The following SLC35F4 variants were observed in gnomAD, a reference collection of about 807,000 sequenced individuals.
SLC35F4 encodes the protein chromosome 14 open reading frame 36.
A neutral mutation model predicts 44.2 loss-of-function variants in SLC35F4; 24 were observed. The observed-to-expected ratio is 0.54, with a 90% CI of 0.39 to 0.76. The LOEUF (loss-of-function observed/expected upper bound fraction) is 0.76. Among genes scored for constraint, SLC35F4 ranks in the 30% least tolerant of loss-of-function variants. The pLI is 0.00. For synonymous variants in SLC35F4, 238 were observed against 223.6 expected, an observed-to-expected ratio of 1.06 and a Z score of -0.57; for missense variants, 562 against 586.1, an observed-to-expected ratio of 0.96 and a Z score of 0.42.
At chr14:57,853,492 C>A (rs894988118) in intron 1 of SLC35F4, among the ~76,000 whole-genome samples, 3 of 152,174 alleles carry the variant, frequency 2.0e-5, no homozygotes, top group East Asian at 3.9e-4. Context: ...GGGCCTCTGG[C>A]AGCCATGATT....
At chr14:57,811,869 C>T (rs1486456641) in intron 1 of SLC35F4, among the ~76,000 whole-genome samples, 1 of 152,104 alleles carries the variant, frequency 6.6e-6, no homozygotes, top group African/African-American at 2.4e-5. Context: ...GTAATCCCAG[C>T]TACTTGGGAG....
chr14:57,880,425 C>G (rs1888510013), intron 1 of SLC35F4, among the ~76,000 whole-genome samples: 2 of 152,218 alleles, frequency 1.3e-5, no homozygotes, highest in South Asian at 4.1e-4. Context: ...GAGTAAAATC[C>G]CTATCACAGG....
At chr14:57,952,054 G>A (rs1313356193) in intron 1 of SLC35F4, among the ~76,000 whole-genome samples, 15 of 152,146 alleles carry the variant, frequency 9.9e-5, no homozygotes, top group Admixed American at 9.8e-4. Flanking sequence ...GTTATCTGAT[G>A]GGTGCCCCTC....
chr14:57,585,069 G>A (rs2069599284), intron 3 of SLC35F4, among the ~76,000 whole-genome samples: 1 of 152,134 alleles, frequency 6.6e-6, no homozygotes, highest in African/African-American at 2.4e-5. Context: ...AATCCAGTAA[G>A]CATTTACTCT....
At chr14:57,588,059 G>A (rs940072304) in intron 3 of SLC35F4, among the ~76,000 whole-genome samples, 9 of 152,050 alleles carry the variant, frequency 5.9e-5, no homozygotes, top group Non-Finnish European at 1.0e-4. Flanking sequence ...GGTGGCGGGC[G>A]CTTGTAACCC....
At chr14:57,616,068 ATAACT>A (rs781646168) in intron 1 of SLC35F4, among the ~76,000 whole-genome samples, 1 of 152,222 alleles carries the variant, frequency 6.6e-6, no homozygotes, top group Non-Finnish European at 1.5e-5. Context: ...CAAACTGTAC[ATAACT>A]TAAAATTTAT....
chr14:57,634,833 G>A (rs2072947862), intron 1 of SLC35F4, among the ~76,000 whole-genome samples: 1 of 152,142 alleles, frequency 6.6e-6, no homozygotes, highest in Non-Finnish European at 1.5e-5. Flanking sequence ...ACCTAGAATG[G>A]TGAAGTGGAG....
At chr14:57,787,072 C>T (rs2077781830) in intron 1 of SLC35F4, among the ~76,000 whole-genome samples, 1 of 152,020 alleles carries the variant, frequency 6.6e-6, no homozygotes, top group African/African-American at 2.4e-5. Flanking sequence ...AAGAACAAAG[C>T]AAAAATTCGA....
intron 1 of SLC35F4, among the ~76,000 whole-genome samples, chr14:57,902,383 G>A (rs567737526): frequency 2.4e-3 from 361 of 152,114 alleles, no homozygotes; most frequent in South Asian, 9.2e-3. Context: ...GACCAACATG[G>A]AGAAACCCTG....
chr14:57,735,809 A>G (rs1047579557), intron 1 of SLC35F4, among the ~76,000 whole-genome samples: 1 of 151,948 alleles, frequency 6.6e-6, no homozygotes, highest in Non-Finnish European at 1.5e-5. Context: ...TGCAACCTCA[A>G]ACTCCTGGGC....
chr14:57,942,239 G>A (rs1379397621), intron 1 of SLC35F4, among the ~76,000 whole-genome samples: 1 of 152,172 alleles, frequency 6.6e-6, no homozygotes, highest in Admixed American at 6.5e-5. Flanking sequence ...ATACAGGGTT[G>A]TAACTTATTG....
At chr14:57,643,229 G>T (rs1233460438) in intron 1 of SLC35F4, among the ~76,000 whole-genome samples, 4 of 151,884 alleles carry the variant, frequency 2.6e-5, no homozygotes, top group African/African-American at 9.7e-5. Context: ...TTGACCAATT[G>T]TATTAAGACT....
chr14:57,714,694 T>G (rs192833485), intron 1 of SLC35F4, among the ~76,000 whole-genome samples: 115 of 152,292 alleles, frequency 7.6e-4, no homozygotes, highest in African/African-American at 2.6e-3. Flanking sequence ...TCACAGTTTT[T>G]TCCTTTAAGA....
At chr14:57,889,374 G>A (rs750789236) in intron 1 of SLC35F4, among the ~76,000 whole-genome samples, 2 of 152,236 alleles carry the variant, frequency 1.3e-5, no homozygotes, top group Non-Finnish European at 2.9e-5. Flanking sequence ...GACACTTGAA[G>A]TACTCCTTAC....
chr14:57,889,474 T>C (rs1172443983), intron 1 of SLC35F4, among the ~76,000 whole-genome samples: 2 of 152,226 alleles, frequency 1.3e-5, no homozygotes, highest in Non-Finnish European at 2.9e-5. Flanking sequence ...TAATTCATGT[T>C]CACCAAAAGC....
At chr14:57,629,514 T>C (rs1480288543) in intron 1 of SLC35F4, among the ~76,000 whole-genome samples, 1 of 151,824 alleles carries the variant, frequency 6.6e-6, no homozygotes, top group Non-Finnish European at 1.5e-5. Flanking sequence ...AAATATGGAG[T>C]TCAGTGCACA....
intron 1 of SLC35F4, among the ~76,000 whole-genome samples, chr14:57,882,970 T>C (rs1277591683): frequency 6.6e-6 from 1 of 151,608 alleles, no homozygotes; most frequent in Non-Finnish European, 1.5e-5. Context: ...ACATACCTTC[T>C]TGCACCTCTG....
In SLC35F4 at chr14:57,670,431, T is replaced by C. The variant is rs370294346; in HGVS notation, c.104-76307A>G. Among the ~76,000 whole-genome samples, 15 of 152,126 alleles carry C rather than the reference T, an allele frequency of 9.9e-5. 1 individual carries two copies. The highest frequency in any genetic ancestry group is 2.4e-4 in the African/African-American group (10 of 41,466). ...TCTTTTAATTGTGATGTTAGGGTGT[T>C]AATTTTAGATCTTTCCTGCTTTCTC... is the stretch of plus-strand genomic sequence containing the variant. On this transcript the variant is annotated intron_variant, in intron 1 of 7. Transcript: ENST00000556826.
At chr14:57,661,901 G>C (rs1382268015) in intron 1 of SLC35F4, among the ~76,000 whole-genome samples, 1 of 152,184 alleles carries the variant, frequency 6.6e-6, no homozygotes, top group Non-Finnish European at 1.5e-5. Context: ...CTGAGGTTTA[G>C]ATTTAAGGTC....
Sources: allele counts gnomAD v4.1 joint callset (sites outside exome capture counted in the v4.1 genomes callset), GRCh38; gene constraint gnomAD v4.1.1; transcripts MANE v1.5; gene names NCBI Gene and HGNC (gene_info 2026-07-23, HGNC 2026-07-21).